The following SLC25A30 variants were observed in gnomAD, a reference collection of about 807,000 sequenced individuals.
SLC25A30 encodes the protein kidney mitochondrial carrier protein 1.
A neutral mutation model predicts 42.7 loss-of-function variants in SLC25A30; 29 were observed. That is an observed-to-expected ratio of 0.68 (90% CI 0.51 to 0.93). The LOEUF (loss-of-function observed/expected upper bound fraction) is 0.93. SLC25A30 is among the 40% of genes least tolerant of loss of function. The probability of loss-of-function intolerance (pLI) is 0.00; values close to 1 mark genes in which losing one functional copy is unlikely to be tolerated. For synonymous variants in SLC25A30, 124 were observed against 131.0 expected (o/e 0.95, Z 0.37); for missense variants, 300 against 359.7 (o/e 0.83, Z 1.34).
chr13:45,429,848 C>A, the SLC25A30 span, among the ~76,000 whole-genome samples: 3 of 149,482 alleles, frequency 2.0e-5, no homozygotes, highest in African/African-American at 2.5e-5. Flanking sequence ...AAAAAAAAAA[C>A]AAAAACAAAA....
At chr13:45,425,218 G>C in the SLC25A30 span, among the ~76,000 whole-genome samples, 2 of 95,888 alleles carry the variant, frequency 2.1e-5, no homozygotes, top group Non-Finnish European at 3.7e-5. Flanking sequence ...ATATATATAC[G>C]TATGTATATA....
At chr13:45,423,841 AATATGTAAAT>A in the SLC25A30 span, among the ~76,000 whole-genome samples, 90 of 65,932 alleles carry the variant, frequency 1.4e-3, 1 homozygote, top group African/African-American at 2.9e-3. Context: ...TATATATATA[AATATGTAAAT>A]ATATATATAA....
upstream of SLC25A30, among the ~76,000 whole-genome samples, chr13:45,420,762 C>G (rs1006387318): frequency 1.3e-5 from 2 of 151,962 alleles, no homozygotes; most frequent in African/African-American, 4.8e-5. Context: ...GTGCAGTGGC[C>G]CAGTCACAGC....
upstream of SLC25A30, chr13:45,418,520 A>C (rs1040261018): frequency 2.6e-5 from 4 of 152,550 alleles, no homozygotes; most frequent in African/African-American, 4.8e-5. Context: ...CCAGATGGGG[A>C]CACGGAGGGG....
Position 45,401,200 on chromosome 13 carries a change from G to A in SLC25A30, c.497C>T (p.Ser166Phe). ...AATAGCAGCCCTCTGCGCAGTAAGG[G>A]ACACACCCTGGGTAAAAATATTAAC... ...EGTRGLWKGV[S>F]LTAQRAAIVV... The change falls in exon 7 of 10, where the codon TCC (serine) becomes TTC (phenylalanine). Residue 166 changes from serine to phenylalanine, a missense_variant. Transcript: ENST00000519676. 6.2e-7 allele frequency: 1 copy of A among 1,613,648 alleles called. No individual in the cohort carries two copies. Among genetic ancestry groups the A allele is most frequent in the Non-Finnish European group, 8.5e-7 (1 of 1,179,832 alleles).
Position 45,408,977 on chromosome 13 carries a change from G to A in SLC25A30, c.162C>T (p.His54=), listed in dbSNP as rs752771414. 21 of 1,613,220 alleles carry A rather than the reference G, an allele frequency of 1.3e-5. No individual in the cohort carries two copies. Among genetic ancestry groups the A allele is most frequent in the African/African-American group, 8.0e-5 (6 of 74,854 alleles). The part of the protein sequence containing the change: ...FKEIRYRGML[H]ALVRIGREEG... ...CTTCTCTGCCTATCCTCACTAATGC[G>A]TGCAACATTCCTCGGTATCTAATTT... Residue 54 remains histidine (H), a synonymous_variant, in exon 3 of 10, where the codon CAC becomes CAT. Coordinates refer to ENST00000519676, the MANE Select transcript of SLC25A30 (RefSeq NM_001010875.4).
the SLC25A30 span, among the ~76,000 whole-genome samples, chr13:45,432,908 C>A: frequency 6.6e-6 from 1 of 151,674 alleles, no homozygotes; most frequent in Non-Finnish European, 1.5e-5. Context: ...TTATGGCACA[C>A]GCCTGTAGTC....
chr13:45,424,113 A>C, the SLC25A30 span, among the ~76,000 whole-genome samples: 13 of 86,844 alleles, frequency 1.5e-4, no homozygotes, highest in East Asian at 2.1e-3. Flanking sequence ...AAAAATATAT[A>C]TAAATATATA....
chr13:45,426,187 A>G, the SLC25A30 span, among the ~76,000 whole-genome samples: 2 of 151,846 alleles, frequency 1.3e-5, no homozygotes, highest in Admixed American at 1.3e-4. Flanking sequence ...CCCAGGTTCA[A>G]GCAATTCTCC....
At chr13:45,410,214 A>G (rs1012111203) in intron 2 of SLC25A30, among the ~76,000 whole-genome samples, 2 of 152,338 alleles carry the variant, frequency 1.3e-5, no homozygotes, top group Admixed American at 6.5e-5. Context: ...TGGGAACTGG[A>G]TAATGTGCAT....
At chr13:45,426,421 C>A in the SLC25A30 span, among the ~76,000 whole-genome samples, 2 of 152,126 alleles carry the variant, frequency 1.3e-5, no homozygotes, top group African/African-American at 2.4e-5. Flanking sequence ...CATTTTAAAT[C>A]GTTATGTAAG....
At chr13:45,425,451 T>C in the SLC25A30 span, among the ~76,000 whole-genome samples, 1 of 109,030 alleles carries the variant, frequency 9.2e-6, no homozygotes, top group Admixed American at 1.3e-4. Flanking sequence ...TATAAATATA[T>C]AAGTGTATAT....
intron 8 of SLC25A30, 162 bp downstream of exon 8, chr13:45,398,778 T>C: frequency 1.8e-6 from 1 of 564,854 alleles, no homozygotes; most frequent in Non-Finnish European, 3.0e-6. Context: ...ATTGTATTTA[T>C]AAAAGCTAAG....
chr13:45,395,372 A>G lies in SLC25A30; in HGVS notation c.*602T>C, dbSNP rs1881229823. On this transcript the variant is annotated 3_prime_UTR_variant, in exon 10 of 10. Coordinates refer to ENST00000519676, the MANE Select transcript of SLC25A30 (RefSeq NM_001010875.4). ...AATTTCTCACAAATGTCAAGTCTTCAAAGCTTAAAATCACTTATTATAAGT... is the reference window on the plus strand; with the variant it reads ...AATTTCTCACAAATGTCAAGTCTTCGAAGCTTAAAATCACTTATTATAAGT... The G allele has an allele frequency of 2.0e-6, 2 of 986,632 alleles. No individual in the cohort carries two copies. The highest frequency in any genetic ancestry group is 1.2e-6 in the Non-Finnish European group (1 of 830,752). The allele number at this position is 986,632 out of a possible 1,614,324, so 61.1% of individuals were successfully genotyped here. A position where few individuals can be genotyped will look rare whatever the true frequency, so the allele number is the denominator to read the frequency against.
intron 2 of SLC25A30, among the ~76,000 whole-genome samples, chr13:45,411,157 G>A (rs1882985227): frequency 6.6e-6 from 1 of 151,614 alleles, no homozygotes; most frequent in South Asian, 2.1e-4. Context: ...CCAGGCTGGT[G>A]TCGAACTCCT....
upstream of SLC25A30, among the ~76,000 whole-genome samples, chr13:45,420,815 C>T (rs58894195): frequency 3.8e-3 from 579 of 152,252 alleles, 4 homozygotes; most frequent in African/African-American, 0.013. Context: ...ATCCTCCTGC[C>T]TCGGCCTCCC....
chr13:45,416,318 G>T (rs1883528584), intron 1 of SLC25A30, among the ~76,000 whole-genome samples: 1 of 151,942 alleles, frequency 6.6e-6, no homozygotes. Context: ...TGAGGCAAGA[G>T]AACTGCCTGA....
chr13:45,410,821 A>G (rs548318202), intron 2 of SLC25A30, among the ~76,000 whole-genome samples: 2 of 152,166 alleles, frequency 1.3e-5, no homozygotes, highest in African/African-American at 4.8e-5. Flanking sequence ...CAAAACAAAA[A>G]ATTTTAAAAA....
In SLC25A30 at chr13:45,402,338, T is replaced by C; in HGVS notation, c.426A>G (p.Gln142=). The C allele has an allele frequency of 1.9e-6, 3 of 1,614,114 alleles. No homozygotes were observed. The highest frequency in any genetic ancestry group is 2.5e-6 in the Non-Finnish European group (3 of 1,179,982). The change falls in exon 6 of 10, where the codon CAA becomes CAG. Residue 142 remains glutamine (Q), a synonymous_variant. Transcript: ENST00000519676. ...TCATGAAGTTGCCTATCATTCCTCC[T>C]TGAATGGTGTTGCTTTGCGCTTGCA... ...IRMQAQSNTI[Q]GGMIGNFMNI...
Sources: allele counts gnomAD v4.1 joint callset (sites outside exome capture counted in the v4.1 genomes callset), GRCh38; gene constraint gnomAD v4.1.1; transcripts MANE v1.5; gene names NCBI Gene and HGNC (gene_info 2026-07-23, HGNC 2026-07-21).